Variants in FLNB observed in about 807,000 individuals in gnomAD.
The protein encoded by FLNB is filamin-B.
FLNB carries 111 observed loss-of-function variants against 250.6 expected under a neutral mutation model. The ratio of observed to expected loss-of-function variants is 0.44; its 90% CI spans 0.38 to 0.52. The LOEUF (loss-of-function observed/expected upper bound fraction) is 0.52. FLNB is among the 20% of genes least tolerant of loss of function. FLNB has a pLI of 0.00. For synonymous variants in FLNB, 1,302 were observed against 1,372.1 expected, an observed-to-expected ratio of 0.95 and a Z score of 1.13; for missense variants, 2,869 against 3,447.8, an observed-to-expected ratio of 0.83 and a Z score of 4.20.
intron 5 of FLNB, 22 bp downstream of exon 5, chr3:58,094,976 C>G: frequency 6.4e-7 from 1 of 1,570,816 alleles, no homozygotes. Context: ...GATGCTGCCT[C>G]TCCTTTCCAG....
intron 4 of FLNB, among the ~76,000 whole-genome samples, chr3:58,092,847 G>A (rs962582536): frequency 1.3e-5 from 2 of 152,038 alleles, no homozygotes; most frequent in Admixed American, 6.6e-5. Context: ...TTTCGCTTCC[G>A]GTCACCAAAA....
Position 58,138,683 on chromosome 3 carries a change from A to G in FLNB, c.5109+154A>G, listed in dbSNP as rs9827587. 6.7e-3 allele frequency among the ~76,000 whole-genome samples: 1,022 copies of G among 152,226 alleles called. 19 individuals are homozygous for G. Among genetic ancestry groups the G allele is most frequent in the East Asian group, 0.06 (312 of 5,176 alleles). On this transcript the variant is annotated intron_variant, in intron 29 of 45. Coordinates refer to ENST00000295956, the MANE Select transcript of FLNB (RefSeq NM_001457.4). ...CATGACCTTGTAGAGTCCCAGAGTA[A>G]TCTCTAGAAACTCAGAGACCCTTTG...
At chr3:58,081,928 CTG>C (rs1188894342) in intron 4 of FLNB, 152 bp downstream of exon 4, 3 of 836,382 alleles carry the variant, frequency 3.6e-6, no homozygotes, top group African/African-American at 1.7e-5. Context: ...CATTTTATGA[CTG>C]TTTTATTCTG....
intron 3 of FLNB, among the ~76,000 whole-genome samples, chr3:58,079,226 A>G (rs934308704): frequency 6.6e-6 from 1 of 151,746 alleles, no homozygotes; most frequent in Non-Finnish European, 1.5e-5. Context: ...TTTTAATCCA[A>G]TAGCTTAAGA....
chr3:58,070,702 C>CA (rs1477948905), intron 1 of FLNB, among the ~76,000 whole-genome samples: 9 of 150,626 alleles, frequency 6.0e-5, no homozygotes, highest in African/African-American at 2.2e-4. Flanking sequence ...CTCGGTCACC[C>CA]AGGCTGGAGT....
chr3:58,159,761 A>AG, intron 42 of FLNB, 75 bp downstream of exon 42: 1 of 1,511,730 alleles, frequency 6.6e-7, no homozygotes, highest in Non-Finnish European at 9.1e-7. Flanking sequence ...GTGTGTCCCA[A>AG]GGGAGGGCTG....
At chr3:58,034,669 C>T (rs183672309) in intron 1 of FLNB, among the ~76,000 whole-genome samples, 1 of 152,280 alleles carries the variant, frequency 6.6e-6, no homozygotes, top group East Asian at 1.9e-4. Flanking sequence ...GGGAAACCTA[C>T]CTAATCCTGG....
rs1004526712 is a variant in FLNB, at chr3:58,109,302, A to G, written c.2179A>G (p.Ile727Val). The G allele has an allele frequency of 2.5e-6, 4 of 1,614,058 alleles. No homozygotes were observed. Among genetic ancestry groups the G allele is most frequent in the South Asian group, 1.1e-5 (1 of 91,050 alleles). The part of the protein sequence containing the change: ...TIAVVWGGVN[I>V]PHSPYRVNIG... Reference sequence around the variant, plus strand: ...TGCTGTGGTCTGGGGAGGCGTGAACATCCCGCACAGCCCCTACAGGGTAGG... The same window carrying G: ...TGCTGTGGTCTGGGGAGGCGTGAACGTCCCGCACAGCCCCTACAGGGTAGG... Residue 727 changes from isoleucine to valine, a missense_variant, in exon 14 of 46, where the codon ATC becomes GTC. By Grantham distance (29) the Ile-to-Val change is conservative. Around this residue, in one of 5 missense-constraint regions of FLNB, gnomAD observed 1,348 missense variants for 1,466.7 expected, o/e 0.92. Coordinates refer to ENST00000295956, the MANE Select transcript of FLNB (RefSeq NM_001457.4).
In FLNB at chr3:58,073,511, C is replaced by T. The variant is rs13317618; in HGVS notation, c.293-3535C>T. ...GGGCTGGCTTCATGACCACATGACC[C>T]GTGTGCTCAGAAGGGCCCTGTACTT... On this transcript the variant is annotated intron_variant, in intron 1 of 45. Transcript: ENST00000295956. 2.8e-3 allele frequency among the ~76,000 whole-genome samples: 421 copies of T among 152,136 alleles called. 5 individuals carry two copies. The highest frequency in any genetic ancestry group is 9.6e-3 in the African/African-American group (398 of 41,490).
chr3:58,133,256 A>G (rs559910334), intron 26 of FLNB, among the ~76,000 whole-genome samples: 41 of 152,196 alleles, frequency 2.7e-4, no homozygotes, highest in African/African-American at 9.6e-4. Context: ...TCACTCCCCC[A>G]GTTCCTTTCA....
At position 58,128,971 on chromosome 3, in the gene FLNB, G is replaced by A. The variant is rs114631859; in HGVS notation, c.4223-1770G>A. Among the ~76,000 whole-genome samples, 328 of 152,328 alleles carry A rather than the reference G, an allele frequency of 2.2e-3. 1 individual carries two copies. The highest frequency in any genetic ancestry group is 3.4e-3 in the Non-Finnish European group (233 of 68,030). ...GAACTTTCCCAGGCAGAGATATTTA[G>A]TGAAGTGTTGGTTGGTTTTCTAAGC... On this transcript the variant is annotated intron_variant, in intron 24 of 45. Transcript: ENST00000295956.
intron 19 of FLNB, 138 bp downstream of exon 19, chr3:58,119,127 T>A: frequency 1.3e-6 from 1 of 753,498 alleles, no homozygotes. Flanking sequence ...AGACTTTGGT[T>A]CGAATTAAGG....
At chr3:58,056,915 T>C (rs1206712891) in intron 1 of FLNB, among the ~76,000 whole-genome samples, 1 of 152,194 alleles carries the variant, frequency 6.6e-6, no homozygotes. Flanking sequence ...AACAATTGAC[T>C]GTAATTTCTC....
At chr3:58,105,255 G>A (rs2097257737) in intron 11 of FLNB, 39 bp downstream of exon 11, 9 of 1,613,518 alleles carry the variant, frequency 5.6e-6, no homozygotes, top group African/African-American at 1.3e-5. Context: ...CTGGAGGACT[G>A]AGGATTACAG....
chr3:58,159,942 T>A (rs1019253669), intron 42 of FLNB, among the ~76,000 whole-genome samples: 3 of 152,100 alleles, frequency 2.0e-5, no homozygotes, highest in African/African-American at 7.2e-5. Context: ...TACAGTGCCT[T>A]AACCTGAGAG....
Position 58,169,814 on chromosome 3 carries a change from A to AT in FLNB, c.7621+21_7621+22insT. The AT allele has an allele frequency of 1.4e-6, 2 of 1,451,706 alleles. No homozygotes were observed. The highest frequency in any genetic ancestry group is 1.4e-5 in the African/African-American group (1 of 71,170). The allele number at this position is 1,451,706 out of a possible 1,614,324, so 89.9% of individuals were successfully genotyped here. On this transcript the variant is annotated intron_variant, in intron 45 of 45. Transcript: ENST00000295956. The surrounding 1 kb of genome is among the most constrained non-coding windows in gnomAD (Gnocchi z 4.8). ...AGCTGGTAGGTGTCTGGGCCTTTTC[A>AT]AGGGTGGGGTGGGGCAGGGGCAGGC...
intron 8 of FLNB, among the ~76,000 whole-genome samples, chr3:58,101,666 GC>G (rs2097251410): frequency 6.6e-6 from 1 of 152,206 alleles, no homozygotes; most frequent in Admixed American, 6.5e-5. Context: ...CCAAGGTGGG[GC>G]TGAACTGGTC....
chr3:58,078,872 G>GT, intron 3 of FLNB, 58 bp downstream of exon 3: 1 of 1,367,816 alleles, frequency 7.3e-7, no homozygotes, highest in East Asian at 2.4e-5. Context: ...CTTGTTCTGT[G>GT]GATGCCTTCC....
At chr3:58,051,054 G>T (rs1371515579) in intron 1 of FLNB, among the ~76,000 whole-genome samples, 1 of 152,146 alleles carries the variant, frequency 6.6e-6, no homozygotes, top group Non-Finnish European at 1.5e-5. Context: ...CTTTGTCCCA[G>T]CCTGGCCATT....
Sources: gnomAD v4.1 joint callset for allele counts (sites outside exome capture counted in the v4.1 genomes callset) on GRCh38, gnomAD v4.1.1 for gene constraint, gnomAD v4.1.1 regional missense constraint, Gnocchi (gnomAD v3.1) non-coding constraint, MANE v1.5 for transcripts, NCBI Gene and HGNC (gene_info 2026-07-23, HGNC 2026-07-21) for gene names.